CELF2: variants seen among roughly 807,000 people sequenced by gnomAD.
CELF2 encodes the protein CUG triplet repeat RNA-binding protein 2.
A neutral mutation model predicts 62.6 loss-of-function variants in CELF2; 8 were observed. The observed-to-expected ratio is 0.13, with a 90% CI of 0.07 to 0.23. The LOEUF is 0.23. CELF2 is among the 10% of genes least tolerant of loss of function. The probability of loss-of-function intolerance (pLI) is 1.00; values close to 1 mark genes in which losing one functional copy is unlikely to be tolerated. For missense variants in CELF2, 333 were observed against 671.0 expected (o/e 0.50, Z 5.56); for synonymous variants, 258 against 250.0 (o/e 1.03, Z -0.30).
the CELF2 span, among the ~76,000 whole-genome samples, chr10:10,487,313 G>A: frequency 2.6e-5 from 4 of 152,212 alleles, no homozygotes; most frequent in African/African-American, 9.6e-5. Flanking sequence ...GGTCAGAGCA[G>A]CATGAAGGCT....
At chr10:10,528,804 T>G in the CELF2 span, among the ~76,000 whole-genome samples, 45 of 152,344 alleles carry the variant, frequency 3.0e-4, no homozygotes, top group Admixed American at 7.8e-4. Context: ...GAAAAAAGTT[T>G]ATTTTGATCT....
In CELF2 at chr10:11,269,100, C is replaced by G. The variant is rs569557470; in HGVS notation, c.619-1566C>G. Among the ~76,000 whole-genome samples the G allele has an allele frequency of 7.2e-5, 11 of 152,208 alleles. No individual in the cohort carries two copies. The highest frequency in any genetic ancestry group is 3.4e-3 in the Middle Eastern group (1 of 294). On this transcript the variant is annotated intron_variant, in intron 6 of 12. Coordinates refer to ENST00000633077, the MANE Select transcript of CELF2 (RefSeq NM_001326342.2). This position sits in a 1 kb window ranked among gnomAD's most constrained non-coding sequence, Gnocchi z 4.4. The stretch of plus-strand genomic sequence containing the variant: ...ACAAATTTGATGGAACAATGACAAC[C>G]CTTTTCCATGCAAAACCCCCTCTCT...
the CELF2 span, among the ~76,000 whole-genome samples, chr10:10,564,672 A>ACACACG: frequency 6.8e-5 from 6 of 88,632 alleles, no homozygotes; most frequent in African/African-American, 2.9e-4. Context: ...ACACACACAC[A>ACACACG]CGCACACACG....
At chr10:11,060,668 G>A (rs771219814) in intron 1 of CELF2, among the ~76,000 whole-genome samples, 8 of 152,120 alleles carry the variant, frequency 5.3e-5, no homozygotes, top group Non-Finnish European at 1.2e-4. Context: ...AAGGTTTATG[G>A]TGACCCTGTG....
At chr10:11,245,304 G>T (rs779946527) in intron 3 of CELF2, among the ~76,000 whole-genome samples, 6 of 151,826 alleles carry the variant, frequency 4.0e-5, no homozygotes, top group Admixed American at 6.5e-5. Context: ...CCATTTTTTT[G>T]TCTTCCTTGA....
At chr10:10,872,317 A>C (rs893783955) in intron 1 of CELF2, among the ~76,000 whole-genome samples, 1 of 152,202 alleles carries the variant, frequency 6.6e-6, no homozygotes, top group African/African-American at 2.4e-5. Flanking sequence ...GATTTGAGGA[A>C]ATGATCTCAA....
At chr10:10,751,543 T>TC in the CELF2 span, among the ~76,000 whole-genome samples, 9 of 152,234 alleles carry the variant, frequency 5.9e-5, no homozygotes, top group African/African-American at 2.2e-4. Flanking sequence ...TGCCTTTTTT[T>TC]CTCTGATAGT....
chr10:11,099,707 G>A (rs1345944489), intron 1 of CELF2, among the ~76,000 whole-genome samples: 1 of 151,976 alleles, frequency 6.6e-6, no homozygotes, highest in Admixed American at 6.5e-5. Flanking sequence ...TAATATATTT[G>A]GCTTTTCTTT....
chr10:10,469,515 G>A, the CELF2 span, among the ~76,000 whole-genome samples: 10 of 151,980 alleles, frequency 6.6e-5, no homozygotes, highest in African/African-American at 2.4e-4. Flanking sequence ...TAATGAAAGA[G>A]CATTGTCCTT....
rs558477242 is a variant in CELF2, at chr10:11,123,369, GC to G, written c.75-42112del. ...GGACTCAAGAGATCCTCCTGCCTCAGCCCCCTGAGTTGCTGAGACTACAGGC... is the reference window on the plus strand; with the variant it reads ...GGACTCAAGAGATCCTCCTGCCTCAGCCCCTGAGTTGCTGAGACTACAGGC... On this transcript the variant is annotated intron_variant, in intron 1 of 12. Transcript: ENST00000633077. Among the ~76,000 whole-genome samples the G allele has an allele frequency of 1.4e-4, 22 of 152,078 alleles. 1 individual carries two copies. Among genetic ancestry groups the G allele is most frequent in the South Asian group, 8.3e-4 (4 of 4,828 alleles).
chr10:10,968,335 C>T (rs2050372622), intron 2 of CELF2, among the ~76,000 whole-genome samples: 1 of 152,072 alleles, frequency 6.6e-6, no homozygotes, highest in Non-Finnish European at 1.5e-5. Context: ...TGTTCCATTC[C>T]ACTGGGTGGA....
chr10:11,236,336 A>G (rs1279004869), intron 3 of CELF2, among the ~76,000 whole-genome samples: 2 of 152,232 alleles, frequency 1.3e-5, no homozygotes, highest in African/African-American at 4.8e-5. Context: ...GATTGTCTTA[A>G]AGTTCAAAGG....
chr10:10,617,279 C>T, the CELF2 span, among the ~76,000 whole-genome samples: 1 of 152,134 alleles, frequency 6.6e-6, no homozygotes, highest in South Asian at 2.1e-4. Context: ...TGATCCCTCA[C>T]CATGGGCTAG....
At chr10:11,026,543 A>G (rs2059239892) in intron 1 of CELF2, among the ~76,000 whole-genome samples, 1 of 152,202 alleles carries the variant, frequency 6.6e-6, no homozygotes, top group African/African-American at 2.4e-5. Context: ...TTAGAGGACT[A>G]ATGTGGATTT....
chr10:10,722,911 G>C, the CELF2 span, among the ~76,000 whole-genome samples: 1 of 152,194 alleles, frequency 6.6e-6, no homozygotes, highest in African/African-American at 2.4e-5. Context: ...AGAGATAATA[G>C]AGCAAGGCCC....
chr10:10,922,401 G>C (rs80276149), intron 2 of CELF2, among the ~76,000 whole-genome samples: 1 of 152,154 alleles, frequency 6.6e-6, no homozygotes, highest in Admixed American at 6.5e-5. Context: ...ATAATGGAAC[G>C]AGGAATGACT....
chr10:10,549,504 G>A, the CELF2 span, among the ~76,000 whole-genome samples: 17 of 152,156 alleles, frequency 1.1e-4, no homozygotes, highest in African/African-American at 2.9e-4. Context: ...GGCTGGTCTC[G>A]AGCTCCTGAC....
intron 1 of CELF2, among the ~76,000 whole-genome samples, chr10:10,815,767 CA>C (rs1352999675): frequency 2.6e-5 from 4 of 152,186 alleles, no homozygotes; most frequent in African/African-American, 9.6e-5. Flanking sequence ...AGTAAATGAG[CA>C]GACCCAGAAC....
At chr10:11,088,374 A>C (rs1446037549) in intron 1 of CELF2, among the ~76,000 whole-genome samples, 2 of 152,250 alleles carry the variant, frequency 1.3e-5, no homozygotes, top group East Asian at 3.8e-4. Flanking sequence ...GAGATAAAGC[A>C]GAGAATGTGA....
Sources: allele counts gnomAD v4.1 joint callset (sites outside exome capture counted in the v4.1 genomes callset), GRCh38; gene constraint gnomAD v4.1.1; non-coding constraint Gnocchi (gnomAD v3.1); transcripts MANE v1.5; gene names NCBI Gene and HGNC (gene_info 2026-07-23, HGNC 2026-07-21).